The following QARS1 variants were observed in gnomAD, a reference collection of about 807,000 sequenced individuals.
QARS1 encodes glutaminyl-tRNA synthetase 1, also known as glutamine--tRNA ligase.
QARS1 carries 79 observed loss-of-function variants against 106.9 expected under a neutral mutation model. The ratio of observed to expected loss-of-function variants is 0.74; its 90% CI spans 0.62 to 0.89. The LOEUF is 0.89. Ranked by LOEUF, QARS1 falls within the 40% of genes least tolerant of loss-of-function variation. The pLI is 0.00. For missense variants in QARS1, 966 were observed against 997.2 expected (o/e 0.97, Z 0.42); for synonymous variants, 395 against 367.7 (o/e 1.07, Z -0.85).
chr3:49,103,305 C>A, intron 5 of QARS1, 40 bp downstream of exon 5: 1 of 1,606,936 alleles, frequency 6.2e-7, no homozygotes, highest in South Asian at 1.1e-5. Context: ...CTGTTCATGC[C>A]AGAGTCTTTG....
intron 9 of QARS1, 43 bp downstream of exon 9, chr3:49,101,577 G>A: frequency 6.2e-7 from 1 of 1,607,636 alleles, no homozygotes; most frequent in South Asian, 1.1e-5. Context: ...CACTCAGGCA[G>A]GTGTTTGATG....
At position 49,103,990 on chromosome 3, in the gene QARS1, G is replaced by C. The variant is rs965125528; in HGVS notation, c.266-18C>G. The C allele has an allele frequency of 4.4e-6, 7 of 1,597,152 alleles. No homozygotes were observed. Among genetic ancestry groups the C allele is most frequent in the East Asian group, 4.5e-5 (2 of 44,668 alleles). On this transcript the variant is annotated intron_variant, in intron 2 of 23. Transcript: ENST00000306125. ...AAGGGCAGCTGAGAAGAAAGAGCCC[G>C]TGAGTTTGTGGCATCTCTGCTCCAA...
At position 49,102,403 on chromosome 3, in the gene QARS1, C is replaced by A. The variant is rs1479784080; in HGVS notation, c.570+16G>T. On this transcript the variant is annotated intron_variant, in intron 6 of 23. Transcript: ENST00000306125. ...TCACCTCACCCTCAGGGACTCAGGGCCATGCCCATCCCTACCTTGAACTTC... is the reference window on the plus strand; with the variant it reads ...TCACCTCACCCTCAGGGACTCAGGGACATGCCCATCCCTACCTTGAACTTC... 5.0e-6 allele frequency: 8 copies of A among 1,614,074 alleles called. No individual in the cohort carries two copies. The highest frequency in any genetic ancestry group is 6.8e-6 in the Non-Finnish European group (8 of 1,179,944).
rs2042420571 is a variant in QARS1 at position 49,098,412 on chromosome 3, C to T, written c.2025G>A (p.Lys675=). The T allele has an allele frequency of 6.2e-7, 1 of 1,614,226 alleles. No individual in the cohort carries two copies. The highest frequency in any genetic ancestry group is 1.1e-5 in the South Asian group (1 of 91,090). ...GCTGTGACACCCAGTGAATAAAGGC[C>T]TTTGGCTTCTCTCCAGCATCTGCCC... ...CRRADAGEKP[K]AFIHWVSQPL... The change falls in exon 21 of 24, where the codon AAG becomes AAA. Residue 675 remains lysine (K), a synonymous_variant. Transcript: ENST00000306125.
chr3:49,100,584 C>T lies in QARS1; in HGVS notation c.967G>A (p.Ala323Thr). 6.2e-7 allele frequency: 1 copy of T among 1,605,308 alleles called. No homozygotes were observed. Among genetic ancestry groups the T allele is most frequent in the Non-Finnish European group, 8.5e-7 (1 of 1,172,034 alleles). Residue 323 changes from alanine (A) to threonine (T), a missense_variant, in exon 11 of 24, where the codon GCC becomes ACC. Transcript: ENST00000306125. ...KFFTAICDMV[A>T]WLGYTPYKVT... is the part of the protein sequence containing the mutation. ...TTTGCCTAGTCCATACCTAGCCAGG[C>T]TACCATGTCACAGATGGCCGTGAAG...
At chr3:49,101,583 T>G in intron 9 of QARS1, 37 bp downstream of exon 9, 1 of 1,610,906 alleles carries the variant, frequency 6.2e-7, no homozygotes, top group Non-Finnish European at 8.5e-7. Flanking sequence ...GGCAGGTGTT[T>G]GATGGCACAA....
chr3:49,104,252 A>G, intron 2 of QARS1, 72 bp downstream of exon 2: 3 of 1,585,816 alleles, frequency 1.9e-6, no homozygotes, highest in Non-Finnish European at 2.6e-6. Flanking sequence ...AGGACTTGGC[A>G]AAAAGGGAAG....
At chr3:49,104,148 T>A in intron 2 of QARS1, 176 bp from the exon 3 acceptor site, 1 of 1,172,490 alleles carries the variant, frequency 8.5e-7, no homozygotes, top group Non-Finnish European at 1.3e-6. Flanking sequence ...GGATCCCCCC[T>A]CAGACCCTGA....
chr3:49,097,327 G>A (rs569012456), intron 23 of QARS1: 2 of 151,924 alleles, frequency 1.3e-5, no homozygotes, highest in South Asian at 2.1e-4. Context: ...CTGCCTTAAC[G>A]AAAGATATTA....
chr3:49,098,560 C>CA, intron 20 of QARS1, 40 bp downstream of exon 20: 1 of 1,609,524 alleles, frequency 6.2e-7, no homozygotes, highest in South Asian at 1.1e-5. Flanking sequence ...ATCTTGGCCC[C>CA]AGCAGGCACT....
chr3:49,104,296 G>A, intron 2 of QARS1, 28 bp downstream of exon 2: 2 of 1,611,764 alleles, frequency 1.2e-6, no homozygotes, highest in East Asian at 2.2e-5. Flanking sequence ...GCATTGGTGC[G>A]AACTGGCAGG....
In QARS1 at chr3:49,098,086, A is replaced by G; in HGVS notation, c.2183T>C (p.Val728Ala). The G allele has an allele frequency of 6.2e-7, 1 of 1,614,200 alleles. No individual in the cohort carries two copies. The highest frequency in any genetic ancestry group is 2.2e-5 in the East Asian group (1 of 44,874). ...ASLHVVDAAL[V>A]DCSVALAKPF... is the part of the protein sequence containing the mutation. ...TTTTGCCAGGGCCACAGAGCAGTCC[A>G]CTAATGCTGCATCCACCACGTGTAG... The change falls in exon 23 of 24, where the codon GTG becomes GCG. Residue 728 changes from valine (V) to alanine (A), a missense_variant. Physicochemically the swap from Val to Ala is moderately conservative, Grantham distance 64. Transcript: ENST00000306125.
At position 49,102,521 on chromosome 3, in the gene QARS1, G is replaced by A. The variant is rs200002543; in HGVS notation, c.517-49C>T. The A allele has an allele frequency of 2.7e-4, 436 of 1,608,010 alleles. 1 individual carries two copies. The African/African-American group carries it at 3.2e-3, about 12-fold the overall frequency. ...AGAGGCAGGAGTATCCTCTTTCAAG[G>A]AGCCCCTGACTGATCCTACCCACCA... On this transcript the variant is annotated intron_variant, in intron 5 of 23. Transcript: ENST00000306125.
In QARS1 at chr3:49,099,417, G is replaced by C; in HGVS notation, c.1541C>G (p.Pro514Arg). ...ATGAVRDWDD[P>R]RLFTLTALRR... is the part of the protein sequence containing the mutation. Reference sequence around the variant, plus strand: ...CAGGGCCGTGAGTGTAAAGAGCCGTGGGTCATCCCAGTCCCTGTGGATAAG... The same window carrying C: ...CAGGGCCGTGAGTGTAAAGAGCCGTCGGTCATCCCAGTCCCTGTGGATAAG... The change falls in exon 17 of 24, where the codon CCA (proline) becomes CGA (arginine). Residue 514 changes from proline to arginine, a missense_variant. Transcript: ENST00000306125. 6.2e-7 allele frequency: 1 copy of C among 1,614,154 alleles called. No homozygotes were observed. The highest frequency in any genetic ancestry group is 8.5e-7 in the Non-Finnish European group (1 of 1,180,028).
chr3:49,099,039 C>T (rs780459228), intron 18 of QARS1, 50 bp from the exon 19 acceptor site: 6 of 1,612,682 alleles, frequency 3.7e-6, no homozygotes, highest in East Asian at 2.2e-5. Context: ...GCATTAGGAC[C>T]CCCATGCCCA....
chr3:49,104,491 G>T lies in QARS1; in HGVS notation c.118-20C>A, dbSNP rs770321868. 1.2e-6 allele frequency: 2 copies of T among 1,613,322 alleles called. No homozygotes were observed. Among genetic ancestry groups the T allele is most frequent in the African/African-American group, 2.7e-5 (2 of 75,046 alleles). ...CTGAGCCTGAGGTCAGAGGGGTCAA[G>T]AGAGAAGCCCCGCGCTCAGTGAGAG... On this transcript the variant is annotated intron_variant, in intron 1 of 23. Transcript: ENST00000306125.
In QARS1 at chr3:49,099,091, C is replaced by G. The variant is rs997972148; in HGVS notation, c.1758+19G>C. On this transcript the variant is annotated intron_variant, in intron 18 of 23. Transcript: ENST00000306125. ...CAGCTACACACACACATGTGACACA[C>G]ATGTTGAGGCAGGCCCACCTTGGCA... 3.7e-6 allele frequency: 6 copies of G among 1,614,160 alleles called. No individual in the cohort carries two copies. Among genetic ancestry groups the G allele is most frequent in the Non-Finnish European group, 5.1e-6 (6 of 1,179,998 alleles).
At position 49,098,278 on chromosome 3, in the gene QARS1, C is replaced by G; in HGVS notation, c.2085-20G>C. The G allele has an allele frequency of 6.2e-7, 1 of 1,614,194 alleles. No homozygotes were observed. The highest frequency in any genetic ancestry group is 8.5e-7 in the Non-Finnish European group (1 of 1,180,042). On this transcript the variant is annotated intron_variant, in intron 21 of 23. Transcript: ENST00000306125. ...TGGAATCTGCAGCCAAAGTGAAGGT[C>G]ATACCCCCAGCTGGGCAGCCATAGC...
chr3:49,099,628 G>A lies in QARS1; in HGVS notation c.1408C>T (p.Leu470Phe), dbSNP rs933017250. 3.1e-6 allele frequency: 5 copies of A among 1,614,114 alleles called. No homozygotes were observed. The highest frequency in any genetic ancestry group is 1.1e-5 in the South Asian group (1 of 91,090). ...CAATAGACGTCCAGTGCATTGCAAA[G>A]CCAGAAGTAGGAAGAGCGTCTGGGG... Reference protein sequence around the residue: ...FQARRSSYFWLCNALDVYCPV... With the variant: ...FQARRSSYFWFCNALDVYCPV... Residue 470 changes from leucine to phenylalanine, a missense_variant, in exon 16 of 24, where the codon CTT becomes TTT. By Grantham distance (22) the Leu-to-Phe change is conservative. Transcript: ENST00000306125.
Sources: allele counts gnomAD v4.1 joint callset, GRCh38; gene constraint gnomAD v4.1.1; transcripts MANE v1.5; gene names NCBI Gene and HGNC (gene_info 2026-07-23, HGNC 2026-07-21).